The following LCLAT1 variants were observed in gnomAD, a reference collection of about 807,000 sequenced individuals.
The protein encoded by LCLAT1 is 1-AGP acyltransferase 8.
LCLAT1 carries 11 observed loss-of-function variants against 30.7 expected under a neutral mutation model. That is an observed-to-expected ratio of 0.36 (90% CI 0.23 to 0.59). LCLAT1 has a LOEUF of 0.59. LCLAT1 is among the 20% of genes least tolerant of loss of function. LCLAT1 has a pLI of 0.77. For synonymous variants in LCLAT1, 155 were observed against 151.3 expected (o/e 1.02, Z -0.18); for missense variants, 402 against 458.6 (o/e 0.88, Z 1.13).
chr2:30,573,402 G>A (rs901731455), intron 5 of LCLAT1, among the ~76,000 whole-genome samples: 2 of 152,100 alleles, frequency 1.3e-5, no homozygotes, highest in African/African-American at 4.8e-5. Flanking sequence ...CTAAATGAGG[G>A]TGGCATCACA....
At chr2:30,449,567 C>T (rs1201545528) in intron 1 of LCLAT1, among the ~76,000 whole-genome samples, 2 of 150,368 alleles carry the variant, frequency 1.3e-5, no homozygotes, top group African/African-American at 2.5e-5. Flanking sequence ...ATGGCACGAT[C>T]TCGGCTCACC....
At chr2:30,639,487 A>G (rs1308959523) in intron 5 of LCLAT1, among the ~76,000 whole-genome samples, 1 of 152,142 alleles carries the variant, frequency 6.6e-6, no homozygotes, top group African/African-American at 2.4e-5. Context: ...ATTTTTAAAG[A>G]TGGAGTCTCA....
At chr2:30,514,200 G>T (rs953858644) in intron 1 of LCLAT1, among the ~76,000 whole-genome samples, 2 of 152,178 alleles carry the variant, frequency 1.3e-5, no homozygotes, top group African/African-American at 4.8e-5. Context: ...TGAGGCTTTT[G>T]TTTGGATGAG....
chr2:30,601,741 G>A (rs114506941), intron 5 of LCLAT1, among the ~76,000 whole-genome samples: 10 of 151,934 alleles, frequency 6.6e-5, no homozygotes, highest in Admixed American at 2.0e-4. Flanking sequence ...TGCAATGCCA[G>A]AGATACACCA....
chr2:30,482,792 C>G lies in LCLAT1; in HGVS notation c.-5+35409C>G, dbSNP rs374265883. ...CTGTCCCTATTAAAAAAAAAAAAAG[C>G]AAAACCCAAACAAACCTAAGGACAA... is the stretch of plus-strand genomic sequence containing the variant. On this transcript the variant is annotated intron_variant, in intron 1 of 5. Transcript: ENST00000379509. Among the ~76,000 whole-genome samples, 37 of 148,786 alleles carry G rather than the reference C, an allele frequency of 2.5e-4. No homozygotes were observed. In the East Asian group the frequency reaches 6.7e-3, roughly 27 times the overall value.
At chr2:30,518,628 C>T (rs534933742) in intron 1 of LCLAT1, among the ~76,000 whole-genome samples, 4 of 152,284 alleles carry the variant, frequency 2.6e-5, no homozygotes, top group Non-Finnish European at 5.9e-5. Flanking sequence ...AGTGCAAGAT[C>T]TCAGGATTAT....
At position 30,553,871 on chromosome 2, in the gene LCLAT1, C is replaced by A. The variant is rs558451407; in HGVS notation, c.365-8275C>A. Among the ~76,000 whole-genome samples, 3 of 151,770 alleles carry A rather than the reference C, an allele frequency of 2.0e-5. No homozygotes were observed. In the East Asian group the frequency reaches 5.8e-4, roughly 29 times the overall value. On this transcript the variant is annotated intron_variant, in intron 3 of 5. Transcript: ENST00000379509. ...ATGCTGATTTTAAAGATACAGGTTGCGCTATCATTAGCTCATAGAAATATG... is the reference window on the plus strand; with the variant it reads ...ATGCTGATTTTAAAGATACAGGTTGAGCTATCATTAGCTCATAGAAATATG...
intron 1 of LCLAT1, among the ~76,000 whole-genome samples, chr2:30,488,018 T>C (rs1683645070): frequency 6.6e-6 from 1 of 152,250 alleles, no homozygotes. Flanking sequence ...TGTACACTTT[T>C]AAATGTGTGG....
At chr2:30,609,177 C>G (rs775361323) in intron 5 of LCLAT1, among the ~76,000 whole-genome samples, 5 of 151,386 alleles carry the variant, frequency 3.3e-5, no homozygotes, top group Non-Finnish European at 7.4e-5. Flanking sequence ...AGATATAATC[C>G]CTTGTTGAAT....
chr2:30,627,574 T>C (rs537340048), intron 5 of LCLAT1, among the ~76,000 whole-genome samples: 1 of 152,372 alleles, frequency 6.6e-6, no homozygotes, highest in Non-Finnish European at 1.5e-5. Flanking sequence ...CATTTATCAA[T>C]AGCTATTCAG....
chr2:30,596,263 G>A (rs1283341137), intron 5 of LCLAT1, among the ~76,000 whole-genome samples: 1 of 152,184 alleles, frequency 6.6e-6, no homozygotes, highest in Non-Finnish European at 1.5e-5. Context: ...CACCAACAAT[G>A]TAAAAGCATT....
At chr2:30,640,028 G>A (rs745564447) in intron 5 of LCLAT1, 89 bp from the exon 6 acceptor site, 26 of 1,012,988 alleles carry the variant, frequency 2.6e-5, no homozygotes, top group Non-Finnish European at 3.4e-5. Context: ...CTGATTTTTC[G>A]GTTTCTGGTG....
chr2:30,626,345 A>G (rs566109127), intron 5 of LCLAT1, among the ~76,000 whole-genome samples: 1 of 152,312 alleles, frequency 6.6e-6, no homozygotes, highest in South Asian at 2.1e-4. Flanking sequence ...TGAATTTTGA[A>G]TGCCCTGTCT....
Position 30,634,180 on chromosome 2 carries a change from C to T in LCLAT1, c.629-5937C>T, listed in dbSNP as rs142626483. ...TTCCAAGGTATAAACAACTATGGGC[C>T]CAAGTGAGTGTGGTTGTTCTAACAC... is the stretch of plus-strand genomic sequence containing the variant. On this transcript the variant is annotated intron_variant, in intron 5 of 5. Coordinates refer to ENST00000379509, the MANE Select transcript of LCLAT1 (RefSeq NM_001002257.3). Among the ~76,000 whole-genome samples, 280 of 152,160 alleles carry T rather than the reference C, an allele frequency of 1.8e-3. 1 individual carries two copies. Among genetic ancestry groups the T allele is most frequent in the African/African-American group, 6.3e-3 (262 of 41,514 alleles).
At chr2:30,623,276 G>C (rs557140905) in intron 5 of LCLAT1, among the ~76,000 whole-genome samples, 72 of 152,084 alleles carry the variant, frequency 4.7e-4, no homozygotes, top group African/African-American at 1.7e-3. Context: ...GGATGGTCTC[G>C]ATCTCCTGAC....
chr2:30,463,787 A>G (rs1353719144), intron 1 of LCLAT1, among the ~76,000 whole-genome samples: 2 of 152,222 alleles, frequency 1.3e-5, no homozygotes, highest in Non-Finnish European at 2.9e-5. Flanking sequence ...CAGATCCCCC[A>G]TGGATATTAG....
At chr2:30,554,981 A>G (rs1448984501) in intron 3 of LCLAT1, among the ~76,000 whole-genome samples, 1 of 152,092 alleles carries the variant, frequency 6.6e-6, no homozygotes, top group African/African-American at 2.4e-5. Flanking sequence ...TTAAAGAAAG[A>G]TTCAAATATT....
intron 1 of LCLAT1, among the ~76,000 whole-genome samples, chr2:30,523,743 C>T (rs1042578302): frequency 2.0e-5 from 3 of 152,158 alleles, no homozygotes; most frequent in Non-Finnish European, 4.4e-5. Flanking sequence ...TGGCGCGTGT[C>T]TGTAATCCTG....
chr2:30,493,105 A>G (rs1683913858), intron 1 of LCLAT1, among the ~76,000 whole-genome samples: 1 of 152,190 alleles, frequency 6.6e-6, no homozygotes, highest in Non-Finnish European at 1.5e-5. Flanking sequence ...GAAGCAAGAC[A>G]GTTGCAGTAA....
Sources: gnomAD v4.1 joint callset for allele counts (sites outside exome capture counted in the v4.1 genomes callset) on GRCh38, gnomAD v4.1.1 for gene constraint, MANE v1.5 for transcripts, NCBI Gene and HGNC (gene_info 2026-07-23, HGNC 2026-07-21) for gene names.